The following PPP2R2C variants were observed in gnomAD, a reference collection of about 807,000 sequenced individuals.
PPP2R2C encodes the protein protein phosphatase 2, regulatory subunit B, gamma.
Under a neutral mutation model 45.3 loss-of-function variants are expected in PPP2R2C, and 10 were observed. The ratio of observed to expected loss-of-function variants is 0.22; its 90% CI spans 0.14 to 0.37. The LOEUF (loss-of-function observed/expected upper bound fraction) is 0.37, where lower values mean the gene tolerates loss of function less well. PPP2R2C is among the 10% of genes least tolerant of loss of function. The probability of loss-of-function intolerance (pLI) is 1.00; values close to 1 mark genes in which losing one functional copy is unlikely to be tolerated. For missense variants in PPP2R2C, 308 were observed against 619.7 expected (o/e 0.50, Z 5.34); for synonymous variants, 257 against 245.4 (o/e 1.05, Z -0.44).
intron 5 of PPP2R2C, among the ~76,000 whole-genome samples, chr4:6,369,388 T>C (rs1714613057): frequency 6.6e-6 from 1 of 152,250 alleles, no homozygotes; most frequent in African/African-American, 2.4e-5. Context: ...GGCTACCTCC[T>C]ATTTATGGTA....
At chr4:6,480,171 A>G (rs764671605) in intron 2 of PPP2R2C, among the ~76,000 whole-genome samples, 10 of 152,198 alleles carry the variant, frequency 6.6e-5, no homozygotes, top group Non-Finnish European at 1.3e-4. Context: ...CTTAACATAC[A>G]TACATGCATT....
chr4:6,544,081 C>T (rs1048154820), intron 1 of PPP2R2C, among the ~76,000 whole-genome samples: 1 of 152,102 alleles, frequency 6.6e-6, no homozygotes, highest in African/African-American at 2.4e-5. Context: ...TCACCCTGGC[C>T]CCATTTGTTT....
chr4:6,472,397 G>GGGAC lies in PPP2R2C; in HGVS notation c.-169_-168insGTCC. Reference sequence around the variant, plus strand: ...GCAGGGGGACGGGCGGGGGCGGCCGGGGGCGGGCGCCGCGGTCAAGCGAGC... The same window carrying GGGAC: ...GCAGGGGGACGGGCGGGGGCGGCCGGGGACGGGCGGGCGCCGCGGTCAAGCGAGC... On this transcript the variant is annotated 5_prime_UTR_variant, in exon 1 of 9. Coordinates refer to ENST00000382599, the MANE Select transcript of PPP2R2C (RefSeq NM_020416.4). 7 of 919,598 alleles carry GGGAC rather than the reference G, an allele frequency of 7.6e-6. No individual in the cohort carries two copies. Among genetic ancestry groups the GGGAC allele is most frequent in the Non-Finnish European group, 9.1e-6 (7 of 770,290 alleles). 57.0% of individuals were successfully genotyped at this position (919,598 alleles called of 1,614,324 possible). A position where few individuals can be genotyped will look rare whatever the true frequency, so the allele number is the denominator to read the frequency against.
At chr4:6,521,476 G>C (rs970257771) in intron 2 of PPP2R2C, among the ~76,000 whole-genome samples, 1 of 152,198 alleles carries the variant, frequency 6.6e-6, no homozygotes, top group African/African-American at 2.4e-5. Flanking sequence ...GCCCCCTCAA[G>C]GCCCTAACAA....
At chr4:6,469,168 C>T (rs1480733570) in intron 1 of PPP2R2C, among the ~76,000 whole-genome samples, 1 of 150,356 alleles carries the variant, frequency 6.7e-6, no homozygotes, top group Non-Finnish European at 1.5e-5. Context: ...TAAACTCTTC[C>T]TAAGATGTTT....
At chr4:6,450,062 G>A (rs920110475) in intron 1 of PPP2R2C, among the ~76,000 whole-genome samples, 3 of 152,180 alleles carry the variant, frequency 2.0e-5, no homozygotes, top group Non-Finnish European at 2.9e-5. Flanking sequence ...AGTTCCAGCC[G>A]CAAAATTAGC....
chr4:6,427,633 C>T (rs4397075), intron 1 of PPP2R2C, among the ~76,000 whole-genome samples: 146,599 of 152,302 alleles, frequency 0.96, 70,797 homozygotes, highest in East Asian at 1. Context: ...AGACACCTCA[C>T]TTGTGGCCAT....
In PPP2R2C at chr4:6,472,609, C is replaced by CG. The variant is rs1455780744; in HGVS notation, c.-381dup. On this transcript the variant is annotated 5_prime_UTR_variant, in exon 1 of 9. Coordinates refer to ENST00000382599, the MANE Select transcript of PPP2R2C (RefSeq NM_020416.4). ...TGCGCCGACCAAGCCGGGGCCGAGCCGGGCTGCGCGGGCTGGGGCCGCCGC... is the reference window on the plus strand; with the variant it reads ...TGCGCCGACCAAGCCGGGGCCGAGCCGGGGCTGCGCGGGCTGGGGCCGCCGC... 6.8e-6 allele frequency among the ~76,000 whole-genome samples: 1 copy of CG among 146,612 alleles called. No homozygotes were observed.
At chr4:6,555,124 C>T (rs765835313) in intron 1 of PPP2R2C, among the ~76,000 whole-genome samples, 3 of 152,128 alleles carry the variant, frequency 2.0e-5, no homozygotes, top group African/African-American at 4.8e-5. Flanking sequence ...CTTCTCACTG[C>T]GTCCTCACAT....
rs1433239331 is a variant in PPP2R2C, at chr4:6,532,497, G to C, written c.49+2774C>G. ...AAAGGGGCAGAACTCATGGGCAGCA[G>C]CATCTCCAGATCTAGCTGTCTGGGG... On this transcript the variant is annotated intron_variant, in intron 2 of 9. Transcript: ENST00000506140. Among the ~76,000 whole-genome samples, 5 of 152,246 alleles carry C rather than the reference G, an allele frequency of 3.3e-5. No individual in the cohort carries two copies. The East Asian group carries it at 9.6e-4, about 29-fold the overall frequency.
Position 6,563,207 on chromosome 4 carries a change from G to T in PPP2R2C, c.-59+353C>A, listed in dbSNP as rs919277417. Among the ~76,000 whole-genome samples the T allele has an allele frequency of 2.0e-5, 3 of 152,338 alleles. No homozygotes were observed. The highest frequency in any genetic ancestry group is 4.4e-5 in the Non-Finnish European group (3 of 68,030). ...CGGCCGAGACGCTGTGGCTGACACC[G>T]GTGGAGCGATCTGCCCTGGCTCGCG... On this transcript the variant is annotated intron_variant, in intron 1 of 9. Coordinates refer to the PPP2R2C transcript ENST00000506140. The surrounding 1 kb of genome is among the most constrained non-coding windows in gnomAD (Gnocchi z 5.8).
chr4:6,465,776 A>G (rs1289821028), intron 1 of PPP2R2C, among the ~76,000 whole-genome samples: 1 of 152,226 alleles, frequency 6.6e-6, no homozygotes, highest in East Asian at 1.9e-4. Context: ...CAAAATGCAC[A>G]AGTTATATTT....
chr4:6,455,884 T>G (rs1272840803), intron 1 of PPP2R2C, among the ~76,000 whole-genome samples: 1 of 145,708 alleles, frequency 6.9e-6, no homozygotes, highest in East Asian at 2.1e-4. Flanking sequence ...CCCACAGCCT[T>G]GCATCTCTGA....
At chr4:6,523,875 A>C (rs1446102236) in intron 2 of PPP2R2C, among the ~76,000 whole-genome samples, 4 of 152,222 alleles carry the variant, frequency 2.6e-5, no homozygotes, top group African/African-American at 9.6e-5. Context: ...ATACAGTGGA[A>C]CATATTCAGC....
Position 6,471,255 on chromosome 4 carries a change from G to T in PPP2R2C, c.70+905C>A, listed in dbSNP as rs1245005482. Among the ~76,000 whole-genome samples the T allele has an allele frequency of 6.6e-6, 1 of 152,136 alleles. No individual in the cohort carries two copies. The highest frequency in any genetic ancestry group is 1.5e-5 in the Non-Finnish European group (1 of 68,018). The stretch of plus-strand genomic sequence containing the variant: ...GTCCCCGCACTCGGGCAGGGCTCCA[G>T]CACAGGCGGCCCCGAGCCCAGACCT... On this transcript the variant is annotated intron_variant, in intron 1 of 8. Coordinates refer to ENST00000382599, the MANE Select transcript of PPP2R2C (RefSeq NM_020416.4). The surrounding 1 kb of genome is among the most constrained non-coding windows in gnomAD (Gnocchi z 5.6).
intron 1 of PPP2R2C, among the ~76,000 whole-genome samples, chr4:6,537,473 C>A (rs567973945): frequency 6.6e-6 from 1 of 152,028 alleles, no homozygotes; most frequent in Non-Finnish European, 1.5e-5. Context: ...TTAACCCTTT[C>A]CATAAATATT....
chr4:6,451,671 T>C (rs926121532), intron 1 of PPP2R2C, among the ~76,000 whole-genome samples: 1 of 152,056 alleles, frequency 6.6e-6, no homozygotes, highest in Non-Finnish European at 1.5e-5. Context: ...CACCCCAGGT[T>C]TGTGTGGAGG....
chr4:6,409,132 T>C (rs1292425971), intron 1 of PPP2R2C, among the ~76,000 whole-genome samples: 1 of 152,080 alleles, frequency 6.6e-6, no homozygotes, highest in Non-Finnish European at 1.5e-5. Flanking sequence ...CAGCACCCAT[T>C]GGGTCCATTT....
At chr4:6,476,831 T>C (rs963697289), upstream of PPP2R2C, among the ~76,000 whole-genome samples, 1 of 152,226 alleles carries the variant, frequency 6.6e-6, no homozygotes, top group Non-Finnish European at 1.5e-5. Flanking sequence ...TTATTCATTT[T>C]TCATTGTTGT....
Sources: allele counts gnomAD v4.1 joint callset (sites outside exome capture counted in the v4.1 genomes callset), GRCh38; gene constraint gnomAD v4.1.1; non-coding constraint Gnocchi (gnomAD v3.1); transcripts MANE v1.5; gene names NCBI Gene and HGNC (gene_info 2026-07-23, HGNC 2026-07-21).